PDE1C: variants seen among roughly 807,000 people sequenced by gnomAD.
The protein encoded by PDE1C is dual specificity calcium/calmodulin-dependent 3',5'-cyclic nucleotide phosphodiesterase 1C.
Under a neutral mutation model 93.1 loss-of-function variants are expected in PDE1C, and 62 were observed. That is an observed-to-expected ratio of 0.67 (90% confidence interval 0.54 to 0.82). The LOEUF is 0.82. PDE1C is among the 40% of genes least tolerant of loss of function. PDE1C has a pLI of 0.00. For missense variants in PDE1C, 742 were observed against 884.6 expected (o/e 0.84, Z 2.04); for synonymous variants, 325 against 310.1 (o/e 1.05, Z -0.50).
At chr7:32,415,254 C>T (rs1404892765) in intron 1 of PDE1C, among the ~76,000 whole-genome samples, 4 of 152,052 alleles carry the variant, frequency 2.6e-5, no homozygotes, top group East Asian at 3.9e-4. Flanking sequence ...AGTTCGAGAC[C>T]AACCTGGACA....
At chr7:31,934,312 C>T (rs534593376) in intron 2 of PDE1C, among the ~76,000 whole-genome samples, 1 of 152,168 alleles carries the variant, frequency 6.6e-6, no homozygotes, top group South Asian at 2.1e-4. Flanking sequence ...TAAAATGTGC[C>T]CACTAGAATT....
intron 1 of PDE1C, among the ~76,000 whole-genome samples, chr7:32,327,769 C>A (rs1441347252): frequency 4.8e-4 from 50 of 104,752 alleles, no homozygotes; most frequent in African/African-American, 1.3e-3. Context: ...GACTCTGTCT[C>A]AAAAAAAAAA....
chr7:32,333,717 G>C (rs138225205), intron 1 of PDE1C, among the ~76,000 whole-genome samples: 3 of 152,310 alleles, frequency 2.0e-5, no homozygotes, highest in African/African-American at 7.2e-5. Context: ...TGGGACTAGA[G>C]TGAGAATTAA....
chr7:31,734,785 A>G, the PDE1C span, among the ~76,000 whole-genome samples: 1 of 152,232 alleles, frequency 6.6e-6, no homozygotes, highest in Admixed American at 6.5e-5. Context: ...CTAACAAAAA[A>G]AAATTTCTTC....
chr7:31,712,808 G>C, the PDE1C span, among the ~76,000 whole-genome samples: 16 of 152,192 alleles, frequency 1.1e-4, no homozygotes, highest in African/African-American at 3.6e-4. Context: ...GGCAAAGAGA[G>C]AGAGTTTGTG....
chr7:32,354,100 A>G (rs186640361), intron 1 of PDE1C, among the ~76,000 whole-genome samples: 2 of 152,326 alleles, frequency 1.3e-5, no homozygotes, highest in East Asian at 1.9e-4. Flanking sequence ...GCGTGATTCT[A>G]TGATTCTTGT....
chr7:32,206,204 A>C lies in PDE1C; in HGVS notation c.136+3285T>G, dbSNP rs954757020. Among the ~76,000 whole-genome samples the C allele has an allele frequency of 4.6e-5, 7 of 151,898 alleles. No homozygotes were observed. In the East Asian group the frequency reaches 1.2e-3, roughly 25 times the overall value. ...ACTAGCATGTAGGAGACCTTTGAGG[A>C]TATATTCTGGGGGGATTTGGGGATT... On this transcript the variant is annotated intron_variant, in intron 2 of 18. Transcript: ENST00000396193.
At chr7:32,199,836 G>C (rs188355379) in intron 2 of PDE1C, among the ~76,000 whole-genome samples, 35 of 152,196 alleles carry the variant, frequency 2.3e-4, no homozygotes, top group South Asian at 6.2e-4. Flanking sequence ...GCACCAGCAT[G>C]ACATCACAAG....
At chr7:32,218,145 C>T (rs73304690) in intron 1 of PDE1C, among the ~76,000 whole-genome samples, 1,963 of 152,278 alleles carry the variant, frequency 0.013, 36 homozygotes, top group African/African-American at 0.036. Context: ...CTGCTCCTTA[C>T]GGGAACAGAT....
chr7:32,002,805 C>T (rs956254707), intron 2 of PDE1C, among the ~76,000 whole-genome samples: 20 of 152,142 alleles, frequency 1.3e-4, no homozygotes, highest in African/African-American at 4.8e-4. Context: ...GAAACCAAAA[C>T]AGGTTCTTAG....
chr7:32,270,088 C>A (rs1333369234), intron 1 of PDE1C, among the ~76,000 whole-genome samples: 1 of 151,476 alleles, frequency 6.6e-6, no homozygotes, highest in African/African-American at 2.4e-5. Flanking sequence ...GTAGGGCACC[C>A]AATTGAAAAG....
intron 2 of PDE1C, among the ~76,000 whole-genome samples, chr7:31,898,301 C>T (rs1321693017): frequency 5.3e-5 from 8 of 151,992 alleles, no homozygotes; most frequent in Admixed American, 3.3e-4. Context: ...AATTGTACCA[C>T]CTAGGGATTA....
At chr7:32,402,733 C>T (rs1204659045) in intron 1 of PDE1C, among the ~76,000 whole-genome samples, 3 of 152,184 alleles carry the variant, frequency 2.0e-5, no homozygotes, top group African/African-American at 7.2e-5. Context: ...CTTCTTTTAT[C>T]TCTGAAATAG....
intron 1 of PDE1C, among the ~76,000 whole-genome samples, chr7:32,358,297 G>C (rs1318912314): frequency 1.3e-5 from 2 of 152,130 alleles, no homozygotes; most frequent in East Asian, 3.9e-4. Flanking sequence ...TTTGTTCTTC[G>C]GAACTTAATG....
the PDE1C span, among the ~76,000 whole-genome samples, chr7:31,670,826 T>C: frequency 6.6e-6 from 1 of 152,006 alleles, no homozygotes; most frequent in Admixed American, 6.5e-5. Flanking sequence ...TGGTCTCCCA[T>C]CCTGTGCCCA....
intron 2 of PDE1C, among the ~76,000 whole-genome samples, chr7:32,177,821 T>C (rs552072641): frequency 1.3e-5 from 2 of 152,278 alleles, no homozygotes; most frequent in Non-Finnish European, 2.9e-5. Flanking sequence ...ATCTTTTCAA[T>C]GTCAGTCACC....
chr7:32,189,990 A>G (rs1420088317), intron 2 of PDE1C, among the ~76,000 whole-genome samples: 1 of 152,220 alleles, frequency 6.6e-6, no homozygotes, highest in East Asian at 1.9e-4. Flanking sequence ...TTGGTTGAAC[A>G]TCTCATCAGC....
chr7:31,910,432 C>T (rs375002275), intron 2 of PDE1C, among the ~76,000 whole-genome samples: 5 of 152,272 alleles, frequency 3.3e-5, no homozygotes. Flanking sequence ...CTCCTTGGTG[C>T]TGTCTTGTAC....
chr7:31,623,293 C>A, the PDE1C span, among the ~76,000 whole-genome samples: 1 of 152,164 alleles, frequency 6.6e-6, no homozygotes, highest in African/African-American at 2.4e-5. Context: ...CGGGCAGAGA[C>A]ACAACCAAAA....
Sources: gnomAD v4.1 joint callset for allele counts (sites outside exome capture counted in the v4.1 genomes callset) on GRCh38, gnomAD v4.1.1 for gene constraint, MANE v1.5 for transcripts, NCBI Gene and HGNC (gene_info 2026-07-23, HGNC 2026-07-21) for gene names.